The following ARB2A variants were observed in gnomAD, a reference collection of about 807,000 sequenced individuals.
The protein encoded by ARB2A is cotranscriptional regulator ARB2A.
At chr5:94,040,630 G>C in the ARB2A span, among the ~76,000 whole-genome samples, 1 of 151,316 alleles carries the variant, frequency 6.6e-6, no homozygotes, top group African/African-American at 2.4e-5. Context: ...GCAATAGTTT[G>C]CTGAGAATGT....
chr5:94,048,664 A>T, the ARB2A span, among the ~76,000 whole-genome samples: 2 of 152,186 alleles, frequency 1.3e-5, no homozygotes, highest in South Asian at 4.1e-4. Flanking sequence ...CTGAGCATGC[A>T]ACAGGATTGT....
the ARB2A span, among the ~76,000 whole-genome samples, chr5:93,795,524 T>C: frequency 6.6e-6 from 1 of 152,158 alleles, no homozygotes; most frequent in Non-Finnish European, 1.5e-5. Context: ...CATACATTCA[T>C]GATGTGAGCC....
the ARB2A span, among the ~76,000 whole-genome samples, chr5:93,665,227 T>C: frequency 6.6e-6 from 1 of 152,336 alleles, no homozygotes; most frequent in South Asian, 2.1e-4. Flanking sequence ...TACTAAAAAA[T>C]AAAAGAAATC....
At chr5:93,626,178 T>C in the ARB2A span, among the ~76,000 whole-genome samples, 35 of 152,326 alleles carry the variant, frequency 2.3e-4, no homozygotes, top group African/African-American at 8.4e-4. Flanking sequence ...ATGAAATCTA[T>C]TTTTAAATGA....
At chr5:93,990,788 A>G in the ARB2A span, among the ~76,000 whole-genome samples, 9 of 152,084 alleles carry the variant, frequency 5.9e-5, no homozygotes, top group African/African-American at 1.9e-4. Context: ...GGGGAAAACA[A>G]GCAGTATAGA....
chr5:93,771,455 G>T, the ARB2A span, among the ~76,000 whole-genome samples: 1 of 150,854 alleles, frequency 6.6e-6, no homozygotes, highest in Non-Finnish European at 1.5e-5. Context: ...ATTGACAAAT[G>T]GGATCTAATT....
the ARB2A span, chr5:93,621,073 A>G: frequency 1.9e-6 from 3 of 1,612,172 alleles, no homozygotes; most frequent in Middle Eastern, 1.7e-4. Context: ...GCTTCGGTAA[A>G]GAATTTGAAA....
the ARB2A span, among the ~76,000 whole-genome samples, chr5:94,030,784 T>G: frequency 6.6e-6 from 1 of 152,202 alleles, no homozygotes; most frequent in African/African-American, 2.4e-5. Context: ...AATGGCTTAG[T>G]TTTTGAGCAA....
At chr5:93,939,513 T>C in the ARB2A span, among the ~76,000 whole-genome samples, 1 of 152,082 alleles carries the variant, frequency 6.6e-6, no homozygotes, top group African/African-American at 2.4e-5. Flanking sequence ...CACTATGAAA[T>C]ATGGGAAAAC....
chr5:93,765,120 T>C, the ARB2A span, among the ~76,000 whole-genome samples: 1 of 152,208 alleles, frequency 6.6e-6, no homozygotes, highest in Non-Finnish European at 1.5e-5. Flanking sequence ...AAGCATTCCC[T>C]TGCAAAACTG....
At chr5:93,779,051 C>T in the ARB2A span, among the ~76,000 whole-genome samples, 1 of 150,322 alleles carries the variant, frequency 6.7e-6, no homozygotes, top group Non-Finnish European at 1.5e-5. Context: ...TGACCAAGTA[C>T]CTGTGCAGAA....
the ARB2A span, among the ~76,000 whole-genome samples, chr5:93,725,210 T>G: frequency 2.6e-5 from 4 of 152,078 alleles, no homozygotes; most frequent in African/African-American, 9.7e-5. Flanking sequence ...TAAATAAGTT[T>G]GCTCTACATA....
chr5:94,081,146 A>T, the ARB2A span, among the ~76,000 whole-genome samples: 1 of 152,220 alleles, frequency 6.6e-6, no homozygotes, highest in African/African-American at 2.4e-5. Flanking sequence ...CCTAATGCAC[A>T]ATAACTAGCA....
the ARB2A span, among the ~76,000 whole-genome samples, chr5:94,096,408 G>A: frequency 4.6e-5 from 7 of 152,154 alleles, no homozygotes; most frequent in Non-Finnish European, 1.0e-4. Context: ...TGTCTCCTGA[G>A]CTACAAGTAT....
the ARB2A span, among the ~76,000 whole-genome samples, chr5:93,695,734 A>G: frequency 3.3e-5 from 5 of 152,206 alleles, no homozygotes; most frequent in African/African-American, 7.2e-5. Context: ...ACATATGCAC[A>G]TGTATGTTTA....
the ARB2A span, among the ~76,000 whole-genome samples, chr5:93,725,236 A>G: frequency 6.6e-6 from 1 of 152,072 alleles, no homozygotes; most frequent in African/African-American, 2.4e-5. Flanking sequence ...CTGAAAGAAC[A>G]TTAACCGTAT....
At chr5:93,970,018 T>A in the ARB2A span, among the ~76,000 whole-genome samples, 1 of 152,092 alleles carries the variant, frequency 6.6e-6, no homozygotes, top group South Asian at 2.1e-4. Context: ...AAACACAAAG[T>A]TTATTTTATT....
the ARB2A span, among the ~76,000 whole-genome samples, chr5:94,008,705 C>T: frequency 6.6e-6 from 1 of 152,018 alleles, no homozygotes; most frequent in Admixed American, 6.6e-5. Context: ...TAAATCCATA[C>T]GATTATATGT....
At chr5:93,967,025 A>C in the ARB2A span, among the ~76,000 whole-genome samples, 1 of 152,116 alleles carries the variant, frequency 6.6e-6, no homozygotes, top group Non-Finnish European at 1.5e-5. Flanking sequence ...TAAAAAAAAA[A>C]AAACATTTTC....
Sources: gnomAD v4.1 joint callset for allele counts (sites outside exome capture counted in the v4.1 genomes callset) on GRCh38, gnomAD v4.1.1 for gene constraint, MANE v1.5 for transcripts, NCBI Gene and HGNC (gene_info 2026-07-23, HGNC 2026-07-21) for gene names.